The following KIF5A variants were observed in gnomAD, a reference collection of about 807,000 sequenced individuals.
The protein encoded by KIF5A is kinesin family member 5A.
Under a neutral mutation model 141.3 loss-of-function variants are expected in KIF5A, and 35 were observed. The ratio of observed to expected loss-of-function variants is 0.25; its 90% CI spans 0.19 to 0.33. KIF5A has a LOEUF of 0.33. Among genes scored for constraint, KIF5A ranks in the 10% least tolerant of loss-of-function variants. The pLI is 1.00. For synonymous variants in KIF5A, 448 were observed against 500.2 expected (o/e 0.90, Z 1.39); for missense variants, 861 against 1,314.3 (o/e 0.66, Z 5.33).
chr12:57,582,725 T>TG (rs1272673707), intron 27 of KIF5A, 96 bp downstream of exon 27: 5 of 1,012,366 alleles, frequency 4.9e-6, no homozygotes, highest in Non-Finnish European at 7.9e-6. Flanking sequence ...CTGGAGCCTT[T>TG]GGGGAAGGGG....
intron 19 of KIF5A, 86 bp downstream of exon 19, chr12:57,576,464 C>A: frequency 9.9e-7 from 1 of 1,008,272 alleles, no homozygotes; most frequent in Non-Finnish European, 1.5e-6. Context: ...GGGTCTGATT[C>A]TTTAACATCC....
chr12:57,582,649 C>G lies in KIF5A; in HGVS notation c.3020+20C>G. ...CAATAGGTACAACAGTCCCCACTAC[C>G]CCTGGGTTCTCTGGGTGGGACCAGA... is the stretch of plus-strand genomic sequence containing the variant. On this transcript the variant is annotated intron_variant, in intron 27 of 28. Transcript: ENST00000455537. 1 of 1,598,110 alleles carries G rather than the reference C, an allele frequency of 6.3e-7. No homozygotes were observed. Among genetic ancestry groups the G allele is most frequent in the Non-Finnish European group, 8.6e-7 (1 of 1,165,542 alleles).
intron 1 of KIF5A, among the ~76,000 whole-genome samples, chr12:57,559,316 T>C (rs1400417244): frequency 6.6e-6 from 1 of 152,242 alleles, no homozygotes; most frequent in Non-Finnish European, 1.5e-5. Flanking sequence ...CCAATTTCTA[T>C]GTACCCTCAG....
chr12:57,576,033 T>C, intron 17 of KIF5A, 54 bp from the exon 18 acceptor site: 1 of 1,558,380 alleles, frequency 6.4e-7, no homozygotes, highest in Non-Finnish European at 8.9e-7. Context: ...CAACGTGAAG[T>C]TCTTTCCGAA....
chr12:57,563,707 C>G lies in KIF5A; in HGVS notation c.291+14C>G. 6.2e-7 allele frequency: 1 copy of G among 1,611,262 alleles called. No individual in the cohort carries two copies. The highest frequency in any genetic ancestry group is 8.5e-7 in the Non-Finnish European group (1 of 1,177,488). ...CATACCATGGAGGTGAGGGTTCTGG[C>G]TTTGGTGGTTGAGGGGCTAGGAGTG... On this transcript the variant is annotated intron_variant, in intron 3 of 28. Coordinates refer to ENST00000455537, the MANE Select transcript of KIF5A (RefSeq NM_004984.4).
At chr12:57,563,332 G>T in intron 1 of KIF5A, 107 bp from the exon 2 acceptor site, 1 of 789,526 alleles carries the variant, frequency 1.3e-6, no homozygotes. Flanking sequence ...TTCATTAAGG[G>T]CATTGAAGAA....
At chr12:57,568,121 T>C (rs1031098720) in intron 8 of KIF5A, among the ~76,000 whole-genome samples, 1 of 152,006 alleles carries the variant, frequency 6.6e-6, no homozygotes, top group South Asian at 2.1e-4. Flanking sequence ...GACCTCGGGA[T>C]CCACCTGCCT....
chr12:57,580,839 C>T, intron 23 of KIF5A, 117 bp from the exon 24 acceptor site: 1 of 894,896 alleles, frequency 1.1e-6, no homozygotes, highest in Non-Finnish European at 1.8e-6. Context: ...TCCATCTTCT[C>T]TGACTCCTGA....
Position 57,583,226 on chromosome 12 carries a change from G to C in KIF5A, c.*36+11G>C. On this transcript the variant is annotated intron_variant, in intron 28 of 28. Transcript: ENST00000455537. The stretch of plus-strand genomic sequence containing the variant: ...TACCTGCACTTTCAGGTAGCGTCAG[G>C]CTGCTTCCTCGGACCAGCCTCAGGT... The C allele has an allele frequency of 1.3e-6, 2 of 1,543,640 alleles. No individual in the cohort carries two copies. Among genetic ancestry groups the C allele is most frequent in the Non-Finnish European group, 1.8e-6 (2 of 1,122,204 alleles).
intron 16 of KIF5A, 67 bp downstream of exon 16, chr12:57,575,339 T>G: frequency 6.8e-7 from 1 of 1,462,990 alleles, no homozygotes; most frequent in South Asian, 1.2e-5. Flanking sequence ...GGGTTATGGC[T>G]AAAACTCCTA....
intron 8 of KIF5A, 89 bp from the exon 9 acceptor site, chr12:57,568,874 C>A: frequency 2.4e-6 from 2 of 830,056 alleles, no homozygotes; most frequent in Non-Finnish European, 4.1e-6. Context: ...TTCCTTCCTT[C>A]CTCCGTGGAC....
chr12:57,576,657 T>C lies in KIF5A; in HGVS notation c.2199-104T>C, dbSNP rs1274831307. The C allele has an allele frequency of 9.3e-6, 8 of 861,836 alleles. No individual in the cohort carries two copies. In the East Asian group the frequency reaches 2.0e-4, roughly 21 times the overall value. 53.4% of individuals were successfully genotyped at this position (861,836 alleles called of 1,614,324 possible). A position where few individuals can be genotyped will look rare whatever the true frequency, so the allele number is the denominator to read the frequency against. On this transcript the variant is annotated intron_variant, in intron 19 of 28. Coordinates refer to ENST00000455537, the MANE Select transcript of KIF5A (RefSeq NM_004984.4). ...TGAAGGTGGACACATCAATTCTAAC[T>C]GGACTCACTCGTTCAAAAAGGAAGA...
chr12:57,562,117 G>C (rs1262965362), intron 1 of KIF5A, among the ~76,000 whole-genome samples: 1 of 152,212 alleles, frequency 6.6e-6, no homozygotes, highest in African/African-American at 2.4e-5. Flanking sequence ...AGCTTCCTAA[G>C]TTGTAAGTAT....
intron 15 of KIF5A, 106 bp from the exon 16 acceptor site, chr12:57,574,978 T>G (rs1012326612): frequency 2.1e-6 from 2 of 969,260 alleles, no homozygotes; most frequent in Non-Finnish European, 3.3e-6. Flanking sequence ...CCATCCCATT[T>G]GAGTCCCTGC....
intron 1 of KIF5A, among the ~76,000 whole-genome samples, chr12:57,551,532 G>T (rs1344479562): frequency 6.6e-6 from 1 of 152,204 alleles, no homozygotes; most frequent in East Asian, 1.9e-4. Context: ...GGCTGTGTGT[G>T]GGGAGAAAAG....
chr12:57,578,390 TAG>T, intron 23 of KIF5A, 48 bp downstream of exon 23: 1 of 1,292,184 alleles, frequency 7.7e-7, no homozygotes, highest in South Asian at 1.2e-5. Context: ...GCCGGGTAGC[TAG>T]CATACCAAAT....
intron 23 of KIF5A, 64 bp downstream of exon 23, chr12:57,578,406 C>A: frequency 9.2e-7 from 1 of 1,088,660 alleles, no homozygotes; most frequent in Non-Finnish European, 1.4e-6. Flanking sequence ...ACCAAATCCT[C>A]AGAGGCCCCT....
Position 57,575,817 on chromosome 12 carries a change from A to G in KIF5A, c.2023+60A>G, listed in dbSNP as rs1308638148. On this transcript the variant is annotated intron_variant, in intron 17 of 28. Transcript: ENST00000455537. Reference sequence around the variant, plus strand: ...GGGCAGAAAAGTCAGAAACATCAAAATAAATCACCCCAATAATCACTCACT... The same window carrying G: ...GGGCAGAAAAGTCAGAAACATCAAAGTAAATCACCCCAATAATCACTCACT... 42 of 1,199,752 alleles carry G rather than the reference A, an allele frequency of 3.5e-5. 1 individual carries two copies. The highest frequency in any genetic ancestry group is 4.9e-5 in the Non-Finnish European group (39 of 802,700). The allele number at this position is 1,199,752 out of a possible 1,614,324, so 74.3% of individuals were successfully genotyped here.
chr12:57,576,698 C>A, intron 19 of KIF5A, 63 bp from the exon 20 acceptor site: 2 of 1,200,670 alleles, frequency 1.7e-6, no homozygotes, highest in Non-Finnish European at 1.2e-6. Flanking sequence ...GAAGAGCTGG[C>A]CTTCCCTTCC....
Sources: allele counts gnomAD v4.1 joint callset (sites outside exome capture counted in the v4.1 genomes callset), GRCh38; gene constraint gnomAD v4.1.1; transcripts MANE v1.5; gene names NCBI Gene and HGNC (gene_info 2026-07-23, HGNC 2026-07-21).